Variants in LVRN observed in about 807,000 individuals in gnomAD.
LVRN encodes the protein laeverin.
Under a neutral mutation model 111.4 loss-of-function variants are expected in LVRN, and 99 were observed. The observed-to-expected ratio is 0.89, with a 90% CI of 0.76 to 1.05. LVRN has a LOEUF of 1.05. Among genes scored for constraint, LVRN ranks in the 50% least tolerant of loss-of-function variants. LVRN has a pLI of 0.00. For synonymous variants in LVRN, 488 were observed against 449.5 expected (o/e 1.09, Z -1.08); for missense variants, 1,414 against 1,206.8 (o/e 1.17, Z -2.54).
chr5:115,982,372 G>A (rs947945794), intron 1 of LVRN, among the ~76,000 whole-genome samples: 1 of 152,112 alleles, frequency 6.6e-6, no homozygotes, highest in Non-Finnish European at 1.5e-5. Context: ...CAAGAATTGG[G>A]CCTGATGCAA....
rs1450744712 is a variant in LVRN at position 116,026,063 on chromosome 5, T to A, written c.2918T>A (p.Leu973Gln). Residue 973 changes from leucine (L) to glutamine (Q), a missense_variant, in exon 20 of 20, where the codon CTG becomes CAG. By Grantham distance (113) the Leu-to-Gln change is moderately radical. Coordinates refer to ENST00000357872, the MANE Select transcript of LVRN (RefSeq NM_173800.5). ...TTACAGACAATAAAGAATGAAAATC[T>A]GAAAAACAAGAAGCTAAGTGCCAGG... Reference protein sequence around the residue: ...ANLQTIKNENLKNKKLSARIA... With the variant: ...ANLQTIKNENQKNKKLSARIA... The A allele has an allele frequency of 3.7e-6, 6 of 1,613,802 alleles. No individual in the cohort carries two copies. The highest frequency in any genetic ancestry group is 4.2e-6 in the Non-Finnish European group (5 of 1,179,894).
intron 1 of LVRN, among the ~76,000 whole-genome samples, chr5:115,966,501 T>A (rs191671207): frequency 2.0e-5 from 3 of 152,348 alleles, no homozygotes; most frequent in East Asian, 3.9e-4. Flanking sequence ...AAATCTTCTA[T>A]GAATAATTGT....
At chr5:115,963,388 T>A in intron 1 of LVRN, 76 bp downstream of exon 1, 1 of 1,253,632 alleles carries the variant, frequency 8.0e-7, no homozygotes, top group Non-Finnish European at 1.1e-6. Context: ...TCCAGCTGAC[T>A]ACCGTGTCCA....
intron 1 of LVRN, among the ~76,000 whole-genome samples, chr5:115,967,918 G>T (rs1306935849): frequency 1.3e-5 from 2 of 152,100 alleles, no homozygotes; most frequent in Non-Finnish European, 2.9e-5. Context: ...ATGCTGCTTT[G>T]TATGTTGATC....
rs1753112593 is a variant in LVRN, at chr5:115,962,838, G to C, written c.221G>C (p.Ser74Thr). Reference sequence around the variant, plus strand: ...CCGACGCCAACCCCGAAACCCAGCAGTGCACGCGAGCTAGCGGTGACGACC... The same window carrying C: ...CCGACGCCAACCCCGAAACCCAGCACTGCACGCGAGCTAGCGGTGACGACC... ...QKPTPTPKPS[S>T]ARELAVTTTP... Residue 74 changes from serine to threonine, a missense_variant, in exon 1 of 20, where the codon AGT becomes ACT. Coordinates refer to ENST00000357872, the MANE Select transcript of LVRN (RefSeq NM_173800.5). 1.9e-6 allele frequency: 3 copies of C among 1,612,942 alleles called. No homozygotes were observed. The highest frequency in any genetic ancestry group is 2.2e-5 in the East Asian group (1 of 44,842).
At chr5:115,970,486 G>T (rs184149699) in intron 1 of LVRN, among the ~76,000 whole-genome samples, 1 of 150,640 alleles carries the variant, frequency 6.6e-6, no homozygotes, top group Non-Finnish European at 1.5e-5. Context: ...GGGTTCAAGC[G>T]ATTCCCCTGC....
intron 18 of LVRN, chr5:116,021,527 C>G (rs1025652404): frequency 1.4e-4 from 33 of 236,358 alleles, no homozygotes; most frequent in Non-Finnish European, 2.7e-4. Context: ...GTTAGAAAAA[C>G]AGCAGCACTA....
At position 116,015,753 on chromosome 5, in the gene LVRN, C is replaced by A. The variant is rs754621760; in HGVS notation, c.2744C>A (p.Ala915Asp). 2 of 1,613,276 alleles carry A rather than the reference C, an allele frequency of 1.2e-6. No individual in the cohort carries two copies. Among genetic ancestry groups the A allele is most frequent in the South Asian group, 2.2e-5 (2 of 90,902 alleles). ...AKDFLVNNWQ[A>D]VSKRYGTQSL... ...GACTTCTTAGTCAACAACTGGCAAG[C>A]TGTGAGTAAAAGGTAAGAAGGAAAG... The change falls in exon 18 of 20, where the codon GCT becomes GAT. Residue 915 changes from alanine to aspartate, a missense_variant. Physicochemically the swap from Ala to Asp is moderately radical, Grantham distance 126 (BLOSUM62 -2). Coordinates refer to ENST00000357872, the MANE Select transcript of LVRN (RefSeq NM_173800.5).
chr5:116,025,986 G>A lies in LVRN; in HGVS notation c.2841G>A (p.Gln947=). 6.2e-7 allele frequency: 1 copy of A among 1,613,736 alleles called. No individual in the cohort carries two copies. Among genetic ancestry groups the A allele is most frequent in the Non-Finnish European group, 8.5e-7 (1 of 1,179,806 alleles). The part of the protein sequence containing the change: ...TTDLQIVELQ[Q]FFSNMLEEHQ... ...TCTCTCTGTCCTTCCAGCTGCAGCA[G>A]TTTTTCAGTAACATGTTGGAGGAAC... Residue 947 remains glutamine (Q), a synonymous_variant, in exon 20 of 20, where the codon CAG becomes CAA. Transcript: ENST00000357872.
At chr5:115,965,379 T>A (rs1472650625) in intron 1 of LVRN, among the ~76,000 whole-genome samples, 1 of 152,236 alleles carries the variant, frequency 6.6e-6, no homozygotes, top group Non-Finnish European at 1.5e-5. Context: ...ACAATGTGAA[T>A]GTTCTTAACA....
intron 1 of LVRN, among the ~76,000 whole-genome samples, chr5:115,967,344 T>A (rs1193870312): frequency 1.3e-5 from 2 of 152,212 alleles, no homozygotes; most frequent in African/African-American, 4.8e-5. Flanking sequence ...AGGTTAATTC[T>A]TTTGCCTATG....
rs1748893517 is a variant in LVRN at position 116,027,579 on chromosome 5, A to G, written c.*1461A>G. ...TTCAAATGTAGAAATGTAAATTTTC[A>G]GCAATAAAATATCTGCATGCCTACA... On this transcript the variant is annotated 3_prime_UTR_variant, in exon 20 of 20. Coordinates refer to ENST00000357872, the MANE Select transcript of LVRN (RefSeq NM_173800.5). The G allele has an allele frequency of 1.3e-5, 2 of 152,224 alleles. No homozygotes were observed. Among genetic ancestry groups the G allele is most frequent in the South Asian group, 2.1e-4 (1 of 4,832 alleles). The allele number at this position is 152,224 out of a possible 1,614,324, so 9.4% of individuals were successfully genotyped here. A position where few individuals can be genotyped will look rare whatever the true frequency, so the allele number is the denominator to read the frequency against.
chr5:115,991,750 A>G (rs6868561), intron 4 of LVRN, among the ~76,000 whole-genome samples: 42,682 of 152,050 alleles, frequency 0.28, 6,983 homozygotes, highest in East Asian at 0.68. Context: ...AAATTCTCTA[A>G]TGACAATTGA....
Position 115,984,717 on chromosome 5 carries a change from AG to A in LVRN, c.978+10del, listed in dbSNP as rs1330534108. On this transcript the variant is annotated intron_variant, in intron 3 of 19. Transcript: ENST00000357872. ...ACAGAAAGGGGCAAGGAGGTGAGTG[AG>A]GAAGATTCTGTAGGTAAGGGAGATT... The A allele has an allele frequency of 6.2e-7, 1 of 1,613,208 alleles. No homozygotes were observed. The highest frequency in any genetic ancestry group is 1.3e-5 in the African/African-American group (1 of 74,868).
intron 1 of LVRN, among the ~76,000 whole-genome samples, chr5:115,971,566 G>A (rs1051527059): frequency 2.0e-5 from 3 of 152,096 alleles, no homozygotes; most frequent in South Asian, 2.1e-4. Context: ...ATTTGTTAAA[G>A]AGTCTATGCT....
chr5:115,980,881 A>C (rs1431163405), intron 1 of LVRN, among the ~76,000 whole-genome samples: 1 of 152,100 alleles, frequency 6.6e-6, no homozygotes, highest in Non-Finnish European at 1.5e-5. Flanking sequence ...GTTTCTCCCA[A>C]CTTTAGATGA....
chr5:115,969,914 A>G (rs965864875), intron 1 of LVRN, among the ~76,000 whole-genome samples: 4 of 152,022 alleles, frequency 2.6e-5, no homozygotes, highest in African/African-American at 9.7e-5. Flanking sequence ...CATATTAGAC[A>G]TATTTATAAT....
Position 115,962,704 on chromosome 5 carries a change from G to A in LVRN, c.87G>A (p.Ala29=). 6.2e-7 allele frequency: 1 copy of A among 1,611,338 alleles called. No individual in the cohort carries two copies. The highest frequency in any genetic ancestry group is 2.2e-5 in the East Asian group (1 of 44,836). ...GGCTGGTAGCCGCCCTCCTGCTGGC[G>A]CTGGCCGTACTCGCCGCCTTGTACG... ...LAGLVAALLL[A]LAVLAALYGH... The change falls in exon 1 of 20, where the codon GCG becomes GCA. Residue 29 remains alanine (A), a synonymous_variant. Coordinates refer to ENST00000357872, the MANE Select transcript of LVRN (RefSeq NM_173800.5).
intron 6 of LVRN, among the ~76,000 whole-genome samples, chr5:115,999,195 A>C (rs1225657293): frequency 1.3e-5 from 2 of 152,188 alleles, no homozygotes; most frequent in East Asian, 3.9e-4. Flanking sequence ...TCTGAGAGAG[A>C]GCTAGTCTTT....
Sources: allele counts gnomAD v4.1 joint callset (sites outside exome capture counted in the v4.1 genomes callset), GRCh38; gene constraint gnomAD v4.1.1; transcripts MANE v1.5; gene names NCBI Gene and HGNC (gene_info 2026-07-23, HGNC 2026-07-21).